Variants in ASTN2 observed in about 807,000 individuals in gnomAD.
ASTN2 encodes the protein astrotactin 2.
Under a neutral mutation model 139.8 loss-of-function variants are expected in ASTN2, and 54 were observed. The ratio of observed to expected loss-of-function variants is 0.39; its 90% CI spans 0.31 to 0.48. The LOEUF is 0.48. Ranked by LOEUF, ASTN2 falls within the 20% of genes least tolerant of loss-of-function variation. The probability of loss-of-function intolerance (pLI) is 0.95; values close to 1 mark genes in which losing one functional copy is unlikely to be tolerated. For missense variants in ASTN2, 1,565 were observed against 1,725.1 expected (o/e 0.91, Z 1.64); for synonymous variants, 756 against 719.5 (o/e 1.05, Z -0.81).
intron 16 of ASTN2, among the ~76,000 whole-genome samples, chr9:116,690,260 G>C (rs1436007286): frequency 6.6e-6 from 1 of 152,136 alleles, no homozygotes; most frequent in East Asian, 1.9e-4. Context: ...CATTATCTTA[G>C]TGAATTCAAT....
intron 2 of ASTN2, among the ~76,000 whole-genome samples, chr9:117,232,946 T>A (rs73517205): frequency 0.014 from 2,101 of 152,220 alleles, 44 homozygotes; most frequent in African/African-American, 0.048. Flanking sequence ...AGAGGACACT[T>A]TCAATCTGTT....
chr9:116,899,386 A>G (rs924841156), intron 10 of ASTN2, among the ~76,000 whole-genome samples: 2 of 152,170 alleles, frequency 1.3e-5, no homozygotes, highest in Non-Finnish European at 2.9e-5. Context: ...TCTCTCTCCC[A>G]ACATTCCCAT....
chr9:117,135,416 C>T (rs1232537140), intron 4 of ASTN2, among the ~76,000 whole-genome samples: 1 of 152,192 alleles, frequency 6.6e-6, no homozygotes, highest in Non-Finnish European at 1.5e-5. Context: ...GGCTGCACTG[C>T]ATCCCATTAA....
chr9:117,062,278 C>T (rs1391027889), intron 5 of ASTN2, among the ~76,000 whole-genome samples: 1 of 152,154 alleles, frequency 6.6e-6, no homozygotes, highest in East Asian at 1.9e-4. Context: ...GATCTTCTCA[C>T]CTCACACAAG....
At chr9:116,427,094 T>C (rs180758054) in intron 22 of ASTN2, among the ~76,000 whole-genome samples, 2,581 of 152,246 alleles carry the variant, frequency 0.017, 81 homozygotes, top group African/African-American at 0.058. Flanking sequence ...GGAAGGATTC[T>C]TGCAATCACC....
At chr9:117,353,486 C>T (rs1272050896) in intron 1 of ASTN2, among the ~76,000 whole-genome samples, 2 of 152,126 alleles carry the variant, frequency 1.3e-5, no homozygotes, top group African/African-American at 2.4e-5. Flanking sequence ...ATAATAGCCA[C>T]ATGTTGGGTA....
rs541608607 is a variant in ASTN2, at chr9:116,682,352, C to T, written c.2807-30559G>A. Among the ~76,000 whole-genome samples the T allele has an allele frequency of 4.1e-4, 63 of 152,248 alleles. No homozygotes were observed. In the East Asian group the frequency reaches 0.011, roughly 28 times the overall value. On this transcript the variant is annotated intron_variant, in intron 16 of 22. Transcript: ENST00000313400. ...TACCATCTCACACCAGTTAGAATGG[C>T]AATCATTAAAAAGGCAGGAAACAAC... is the stretch of plus-strand genomic sequence containing the variant.
chr9:116,948,646 G>T (rs1192239463), intron 10 of ASTN2, among the ~76,000 whole-genome samples: 1 of 151,664 alleles, frequency 6.6e-6, no homozygotes, highest in African/African-American at 2.4e-5. Flanking sequence ...GGGGTAAGGA[G>T]GGTTGCTGTC....
chr9:117,141,913 T>C (rs1419500180), intron 3 of ASTN2, among the ~76,000 whole-genome samples: 1 of 152,092 alleles, frequency 6.6e-6, no homozygotes, highest in Non-Finnish European at 1.5e-5. Context: ...AGAATCAAAA[T>C]AGGCTTCCAG....
At chr9:116,809,988 G>A (rs1267803849) in intron 12 of ASTN2, among the ~76,000 whole-genome samples, 3 of 152,128 alleles carry the variant, frequency 2.0e-5, no homozygotes, top group African/African-American at 7.2e-5. Flanking sequence ...CTCTTCCCTT[G>A]TTATGGCAAG....
chr9:117,100,712 C>A (rs1221872100), intron 4 of ASTN2, among the ~76,000 whole-genome samples: 2 of 152,196 alleles, frequency 1.3e-5, no homozygotes, highest in African/African-American at 2.4e-5. Flanking sequence ...TAAGCCACGA[C>A]CTCCACTAAA....
intron 10 of ASTN2, among the ~76,000 whole-genome samples, chr9:116,911,720 C>T (rs1410381542): frequency 2.6e-5 from 4 of 152,158 alleles, no homozygotes; most frequent in East Asian, 3.9e-4. Context: ...CTGGCTAACA[C>T]GGTGAAACCC....
At chr9:116,932,935 G>T (rs929071833) in intron 10 of ASTN2, among the ~76,000 whole-genome samples, 3 of 150,432 alleles carry the variant, frequency 2.0e-5, no homozygotes, top group Non-Finnish European at 4.4e-5. Context: ...GAAACCAGGA[G>T]GTGGAGTTTT....
At chr9:117,285,306 T>C (rs1301285950) in intron 2 of ASTN2, among the ~76,000 whole-genome samples, 3 of 151,364 alleles carry the variant, frequency 2.0e-5, no homozygotes, top group Non-Finnish European at 4.4e-5. Flanking sequence ...TTTCTATCTC[T>C]TTTTTTTCTA....
intron 3 of ASTN2, among the ~76,000 whole-genome samples, chr9:117,175,132 A>C (rs2132933991): frequency 6.6e-6 from 1 of 152,210 alleles, no homozygotes; most frequent in African/African-American, 2.4e-5. Flanking sequence ...TCAAAGAAAA[A>C]CTGATGTTCT....
intron 16 of ASTN2, among the ~76,000 whole-genome samples, chr9:116,675,426 G>A (rs1436359257): frequency 2.0e-5 from 3 of 152,122 alleles, no homozygotes; most frequent in African/African-American, 4.8e-5. Flanking sequence ...CCACCATGGT[G>A]TGTCTGCATC....
chr9:116,584,184 T>C (rs1240821501), intron 19 of ASTN2: 1 of 152,150 alleles, frequency 6.6e-6, no homozygotes, highest in Non-Finnish European at 1.5e-5. Context: ...GGTCATTCAT[T>C]AAACGGAATT....
chr9:116,483,356 C>G (rs10983189), intron 20 of ASTN2, among the ~76,000 whole-genome samples: 2,631 of 152,298 alleles, frequency 0.017, 73 homozygotes, highest in African/African-American at 0.06. Flanking sequence ...TTGACTTTCA[C>G]TCCTTCATTT....
chr9:117,118,182 T>G (rs1190925607), intron 4 of ASTN2, among the ~76,000 whole-genome samples: 2 of 152,166 alleles, frequency 1.3e-5, no homozygotes, highest in Non-Finnish European at 2.9e-5. Flanking sequence ...AAAACAAAAG[T>G]AATTCTATAT....
Sources: gnomAD v4.1 joint callset for allele counts (sites outside exome capture counted in the v4.1 genomes callset) on GRCh38, gnomAD v4.1.1 for gene constraint, MANE v1.5 for transcripts, NCBI Gene and HGNC (gene_info 2026-07-23, HGNC 2026-07-21) for gene names.